FLG: variants seen among roughly 807,000 people sequenced by gnomAD.
FLG encodes the protein filaggrin.
In FLG, 6 loss-of-function variants were observed where a neutral mutation model predicts 3.8. The ratio of observed to expected loss-of-function variants is 1.60; its 90% CI spans 0.87 to 3.15. The LOEUF (loss-of-function observed/expected upper bound fraction) is 3.15, where lower values mean the gene tolerates loss of function less well. FLG is among the 30% of genes most tolerant of loss of function. The pLI, the probability that FLG is intolerant of heterozygous loss-of-function variation, is 0.00. For synonymous variants in FLG, 2,551 were observed against 1,931.6 expected, an observed-to-expected ratio of 1.32 and a Z score of -8.41; for missense variants, 7,595 against 5,050.9, an observed-to-expected ratio of 1.50 and a Z score of -15.27.
In FLG at chr1:152,310,623, C is replaced by G. The variant is rs745444808; in HGVS notation, c.4263G>C (p.Gln1421His). 2.5e-6 allele frequency: 4 copies of G among 1,613,900 alleles called. No homozygotes were observed. The highest frequency in any genetic ancestry group is 3.4e-6 in the Non-Finnish European group (4 of 1,180,022). ...GGCCACGTGCGGACTCTTTGTGGCT[C>G]TGCTGATGGGGCCCAGCTTGTCCGT... Reference protein sequence around the residue: ...SAHGQAGPHQQSHKESARGQS... With the variant: ...SAHGQAGPHQHSHKESARGQS... The change falls in exon 3 of 3, where the codon CAG (glutamine) becomes CAC (histidine). Residue 1421 changes from glutamine to histidine, a missense_variant. Gln to His is a conservative substitution (Grantham distance 24). Transcript: ENST00000368799.
In FLG at chr1:152,312,135, G is replaced by A. The variant is rs549307290; in HGVS notation, c.2751C>T (p.Ser917=). ...RHSGSRHHEA[S]SHADISRHSQ... ...AGTGTCTAGAGATGTCGGCATGAGAGGAAGCTTCATGGTGACGTGACCCTG... is the reference window on the plus strand; with the variant it reads ...AGTGTCTAGAGATGTCGGCATGAGAAGAAGCTTCATGGTGACGTGACCCTG... The change falls in exon 3 of 3, where the codon TCC becomes TCT. Residue 917 remains serine, a synonymous_variant. Coordinates refer to ENST00000368799, the MANE Select transcript of FLG (RefSeq NM_002016.2). 9 of 1,614,016 alleles carry A rather than the reference G, an allele frequency of 5.6e-6. No homozygotes were observed. The highest frequency in any genetic ancestry group is 1.6e-4 in the Middle Eastern group (1 of 6,062).
At position 152,313,674 on chromosome 1, in the gene FLG, T is replaced by C; in HGVS notation, c.1212A>G (p.Gln404=). The change falls in exon 3 of 3, where the codon CAA becomes CAG. Residue 404 remains glutamine (Q), a synonymous_variant. Transcript: ENST00000368799. Reference sequence around the variant, plus strand: ...CACGATCGCTGACTGCAGATGAAGCTTGCCCGCGCCCAGTGGCTGAGTGTC... The same window carrying C: ...CACGATCGCTGACTGCAGATGAAGCCTGCCCGCGCCCAGTGGCTGAGTGTC... The part of the protein sequence containing the change: ...SSRHSATGRG[Q]ASSAVSDRGH... 6.2e-7 allele frequency: 1 copy of C among 1,614,072 alleles called. No individual in the cohort carries two copies. The highest frequency in any genetic ancestry group is 1.3e-5 in the African/African-American group (1 of 74,990).
In FLG at chr1:152,312,096, C is replaced by T; in HGVS notation, c.2790G>A (p.Gln930=). The T allele has an allele frequency of 6.2e-7, 1 of 1,614,094 alleles. No homozygotes were observed. The highest frequency in any genetic ancestry group is 8.5e-7 in the Non-Finnish European group (1 of 1,179,996). The change falls in exon 3 of 3, where the codon CAG becomes CAA. Residue 930 remains glutamine, a synonymous_variant. Transcript: ENST00000368799. ...TTGTCCTGGACCCCTCTGATTGTCC[C>T]TGGCCTGCCTGTGAGTGTCTAGAGA... ...ADISRHSQAG[Q]GQSEGSRTSR... is the part of the protein sequence containing the mutation.
In FLG at chr1:152,308,184, C is replaced by T. The variant is rs769926542; in HGVS notation, c.6702G>A (p.Arg2234=). Residue 2234 remains arginine, a synonymous_variant, in exon 3 of 3, where the codon AGG becomes AGA. Coordinates refer to ENST00000368799, the MANE Select transcript of FLG (RefSeq NM_002016.2). ...LVGQGQSSGP[R]TSRPRGSSVS... The stretch of plus-strand genomic sequence containing the variant: ...CACTGGATCCCCGGGGCCTGCTTGT[C>T]CTGGGCCCTGATGATTGTCCCTGGC... 4 of 1,613,918 alleles carry T rather than the reference C, an allele frequency of 2.5e-6. No homozygotes were observed. The highest frequency in any genetic ancestry group is 1.1e-5 in the South Asian group (1 of 91,062).
At position 152,309,475 on chromosome 1, in the gene FLG, G is replaced by T. The variant is rs370091685; in HGVS notation, c.5411C>A (p.Ser1804Ter). 2 of 1,613,826 alleles carry T rather than the reference G, an allele frequency of 1.2e-6. No homozygotes were observed. Among genetic ancestry groups the T allele is most frequent in the Non-Finnish European group, 1.7e-6 (2 of 1,179,964 alleles). Reference sequence around the variant, plus strand: ...GGTGTCCTGACCCTCTTGGGACGCTGAGTGCCTGGAGCTGTCTCGTGCCTG... The same window carrying T: ...GGTGTCCTGACCCTCTTGGGACGCTTAGTGCCTGGAGCTGTCTCGTGCCTG... ...HEQARDSSRHSASQEGQDTIR... is the reference protein window; with the variant it reads ...HEQARDSSRH Residue 1804 changes from serine (S) to a stop codon, truncating the protein, a stop_gained, in exon 3 of 3, where the codon TCA becomes TAA. Transcript: ENST00000368799. LOFTEE classifies it low-confidence loss of function (END_TRUNC).
In FLG at chr1:152,304,630, C is replaced by G. The variant is rs267598028; in HGVS notation, c.10256G>C (p.Arg3419Pro). The G allele has an allele frequency of 6.2e-6, 10 of 1,612,510 alleles. No homozygotes were observed. Among genetic ancestry groups the G allele is most frequent in the South Asian group, 5.5e-5 (5 of 90,864 alleles). Residue 3419 changes from arginine to proline, a missense_variant, in exon 3 of 3, where the codon CGA (arginine) becomes CCA (proline). Physicochemically the swap from Arg to Pro is moderately radical, Grantham distance 103. Transcript: ENST00000368799. Reference protein sequence around the residue: ...RRQGSHHEQARDSSRHSASQE... With the variant: ...RRQGSHHEQAPDSSRHSASQE... ...GGACGCTGAGTGCCTGGAGCTGTCT[C>G]GTGCCTGCTCGTGGTGGGATCCTTG...
At position 152,303,184 on chromosome 1, in the gene FLG, T is replaced by G; in HGVS notation, c.11702A>C (p.His3901Pro). The change falls in exon 3 of 3, where the codon CAC (histidine) becomes CCC (proline). Residue 3901 changes from histidine (H) to proline (P), a missense_variant. Physicochemically the swap from His to Pro is moderately conservative, Grantham distance 77 (BLOSUM62 -2). Transcript: ENST00000368799. ...TGTATCGCGGTGAGAGGATCCGGGG[T>G]GTCTGGAGCCATCTCTTGACTGCTC... ...SREQSRDGSR[H>P]PGSSHRDTAS... 6.2e-7 allele frequency: 1 copy of G among 1,614,000 alleles called. No homozygotes were observed. Among genetic ancestry groups the G allele is most frequent in the South Asian group, 1.1e-5 (1 of 91,072 alleles).
Position 152,313,978 on chromosome 1 carries a change from C to G in FLG, c.908G>C (p.Ser303Thr). ...RGSRVSQDRD[S>T]EGHSEDSERH... is the part of the protein sequence containing the mutation. ...CTCAGAGTCTTCTGAGTGTCCCTCA[C>G]TGTCCCTGTCCTGGCTAACTCTGGA... Residue 303 changes from serine (S) to threonine (T), a missense_variant, in exon 3 of 3, where the codon AGT becomes ACT. Ser to Thr is a moderately conservative substitution (Grantham distance 58). Transcript: ENST00000368799. 1 of 1,614,238 alleles carries G rather than the reference C, an allele frequency of 6.2e-7. No homozygotes were observed. The highest frequency in any genetic ancestry group is 8.5e-7 in the Non-Finnish European group (1 of 1,180,048).
intron 1 of FLG, among the ~76,000 whole-genome samples, chr1:152,321,029 C>T (rs1331598244): frequency 6.6e-6 from 1 of 150,630 alleles, no homozygotes; most frequent in African/African-American, 2.4e-5. Flanking sequence ...ACATTAATTC[C>T]ATGCCTAATA....
Position 152,309,838 on chromosome 1 carries a change from G to T in FLG, c.5048C>A (p.Ser1683Tyr). The change falls in exon 3 of 3, where the codon TCC (serine) becomes TAC (tyrosine). Residue 1683 changes from serine to tyrosine, a missense_variant. Physicochemically the swap from Ser to Tyr is moderately radical, Grantham distance 144 (BLOSUM62 -2). Transcript: ENST00000368799. ...ARSSPGERHG[S>Y]RHQQSADSST... Reference sequence around the variant, plus strand: ...GCTGTCTGCTGACTGCTGGTGGCGGGATCCATGTCTTTCTCCTGGACTTGA... The same window carrying T: ...GCTGTCTGCTGACTGCTGGTGGCGGTATCCATGTCTTTCTCCTGGACTTGA... 1 of 1,614,136 alleles carries T rather than the reference G, an allele frequency of 6.2e-7. No homozygotes were observed. The highest frequency in any genetic ancestry group is 8.5e-7 in the Non-Finnish European group (1 of 1,180,034).
In FLG at chr1:152,304,975, G is replaced by A. The variant is rs770105166; in HGVS notation, c.9911C>T (p.Ser3304Phe). 1.2e-6 allele frequency: 2 copies of A among 1,613,862 alleles called. No homozygotes were observed. Among genetic ancestry groups the A allele is most frequent in the South Asian group, 2.2e-5 (2 of 91,022 alleles). Residue 3304 changes from serine (S) to phenylalanine (F), a missense_variant, in exon 3 of 3, where the codon TCC (serine) becomes TTC (phenylalanine). Coordinates refer to ENST00000368799, the MANE Select transcript of FLG (RefSeq NM_002016.2). Reference sequence around the variant, plus strand: ...GCTGTCTGCTGACTGCTGGTGGCGGGATCCGTGTCTCTCTCCTGGACTTGA... The same window carrying A: ...GCTGTCTGCTGACTGCTGGTGGCGGAATCCGTGTCTCTCTCCTGGACTTGA... The part of the protein sequence containing the change: ...ARSSPGERHG[S>F]RHQQSADSSR...
Position 152,303,593 on chromosome 1 carries a change from T to C in FLG, c.11293A>G (p.Arg3765Gly), listed in dbSNP as rs746970097. Residue 3765 changes from arginine (R) to glycine (G), a missense_variant, in exon 3 of 3, where the codon AGG becomes GGG. Arg to Gly is a moderately radical substitution (Grantham distance 125). Transcript: ENST00000368799. ...QDTIRGHPGS[R>G]RGGRQGSYHE... is the part of the protein sequence containing the mutation. ...TAGGATCCCTGTCTTCCTCCTCTCC[T>C]TGACCCCGGGTGTCCACGAATGGTG... 8.7e-6 allele frequency: 14 copies of C among 1,613,712 alleles called. No individual in the cohort carries two copies. Among genetic ancestry groups the C allele is most frequent in the Non-Finnish European group, 1.2e-5 (14 of 1,179,938 alleles).
In FLG at chr1:152,309,239, A is replaced by G. The variant is rs779397314; in HGVS notation, c.5647T>C (p.Ser1883Pro). Residue 1883 changes from serine (S) to proline (P), a missense_variant, in exon 3 of 3, where the codon TCG (serine) becomes CCG (proline). Ser to Pro is a moderately conservative substitution (Grantham distance 74). Coordinates refer to ENST00000368799, the MANE Select transcript of FLG (RefSeq NM_002016.2). ...CGAGAGGAAGCTTCATGGTGACGCG[A>G]CCCTGAGTGCCTGGAGCCGTCTCCT... ...QSGDGSRHSGSRHHEASSRAD... is the reference protein window; with the variant it reads ...QSGDGSRHSGPRHHEASSRAD... 8.7e-6 allele frequency: 14 copies of G among 1,612,308 alleles called. No individual in the cohort carries two copies. Among genetic ancestry groups the G allele is most frequent in the Non-Finnish European group, 1.2e-5 (14 of 1,179,700 alleles).
chr1:152,310,148 C>A lies in FLG; in HGVS notation c.4738G>T (p.Glu1580Ter). The A allele has an allele frequency of 1.2e-6, 2 of 1,613,834 alleles. No homozygotes were observed. Among genetic ancestry groups the A allele is most frequent in the Non-Finnish European group, 1.7e-6 (2 of 1,179,958 alleles). Reference protein sequence around the residue: ...SSRHSQVGQGESAGSKTSRRQ... With the variant: ...SSRHSQVGQG ...CTGCTTGTCTTGGACCCCGCTGATTCTCCCTGGCCCACCTGTGAGTGTCTA... is the reference window on the plus strand; with the variant it reads ...CTGCTTGTCTTGGACCCCGCTGATTATCCCTGGCCCACCTGTGAGTGTCTA... Residue 1580 changes from glutamate to a stop codon, truncating the protein, a stop_gained, in exon 3 of 3, where the codon GAA (glutamate) becomes TAA (stop). Coordinates refer to ENST00000368799, the MANE Select transcript of FLG (RefSeq NM_002016.2). LOFTEE classifies it low-confidence loss of function (END_TRUNC).
intron 1 of FLG, among the ~76,000 whole-genome samples, chr1:152,320,323 A>G (rs1375951444): frequency 6.6e-6 from 1 of 151,020 alleles, no homozygotes; most frequent in Non-Finnish European, 1.5e-5. Flanking sequence ...TAATTAAGGG[A>G]CAAGGCTGTC....
In FLG at chr1:152,309,072, A is replaced by C. The variant is rs750717434; in HGVS notation, c.5814T>G (p.Ala1938=). 2 of 1,614,086 alleles carry C rather than the reference A, an allele frequency of 1.2e-6. No homozygotes were observed. Among genetic ancestry groups the C allele is most frequent in the Non-Finnish European group, 1.7e-6 (2 of 1,179,988 alleles). ...AAGCAGATCCAAGATGGTTTCTGGAAGCAGACCCAGACCACCTCTCAGAGT... is the reference window on the plus strand; with the variant it reads ...AAGCAGATCCAAGATGGTTTCTGGACGCAGACCCAGACCACCTCTCAGAGT... ...SEDSERWSGS[A]SRNHLGSAWE... is the part of the protein sequence containing the mutation. The change falls in exon 3 of 3, where the codon GCT becomes GCG. Residue 1938 remains alanine (A), a synonymous_variant. Coordinates refer to ENST00000368799, the MANE Select transcript of FLG (RefSeq NM_002016.2).
rs750240125 is a variant in FLG at position 152,304,261 on chromosome 1, TC to T, written c.10624del (p.Asp3542ThrfsTer173). On this transcript the variant is annotated frameshift_variant, in exon 3 of 3. Transcript: ENST00000368799. LOFTEE classifies it low-confidence loss of function (END_TRUNC). ...TTCTGAGTGTCCCTGACTGTCACTG[TC>T]CTGGCTAACACTGGATCCCTGGTTC... is the stretch of plus-strand genomic sequence containing the variant. ...SRNQGSSVSQ[D>X]SDSQGHSEDS... is the part of the protein sequence containing the mutation. 6.2e-7 allele frequency: 1 copy of T among 1,613,258 alleles called. No individual in the cohort carries two copies. The highest frequency in any genetic ancestry group is 1.1e-5 in the South Asian group (1 of 90,964).
chr1:152,311,595 C>G lies in FLG; in HGVS notation c.3291G>C (p.Gln1097His), dbSNP rs1464580755. Residue 1097 changes from glutamine to histidine, a missense_variant, in exon 3 of 3, where the codon CAG (glutamine) becomes CAC (histidine). Transcript: ENST00000368799. The part of the protein sequence containing the change: ...SGHGQDGPHQ[Q>H]SHQESARDWS... The stretch of plus-strand genomic sequence containing the variant: ...AGTCACGTGCGGACTCTTGGTGGCT[C>G]TGCTGATGGGGCCCATCCTGTCCAT... 1.2e-6 allele frequency: 2 copies of G among 1,614,112 alleles called. No individual in the cohort carries two copies. Among genetic ancestry groups the G allele is most frequent in the Admixed American group, 1.7e-5 (1 of 60,022 alleles).
At position 152,308,519 on chromosome 1, in the gene FLG, G is replaced by GT; in HGVS notation, c.6366dup (p.Gln2123ThrfsTer38). 1 of 1,613,546 alleles carries GT rather than the reference G, an allele frequency of 6.2e-7. No individual in the cohort carries two copies. ...GATGCTGAGTGCCTGGAGCTGTCTT[G>GT]TGCCTGATCATAATGGGATCCTTGT... On this transcript the variant is annotated frameshift_variant, in exon 3 of 3. Coordinates refer to ENST00000368799, the MANE Select transcript of FLG (RefSeq NM_002016.2). LOFTEE classifies it low-confidence loss of function (END_TRUNC).
Sources: allele counts gnomAD v4.1 joint callset (sites outside exome capture counted in the v4.1 genomes callset), GRCh38; gene constraint gnomAD v4.1.1; transcripts MANE v1.5; gene names NCBI Gene and HGNC (gene_info 2026-07-23, HGNC 2026-07-21).